The following TENM4 variants were observed in gnomAD, a reference collection of about 807,000 sequenced individuals.
TENM4 encodes the protein teneurin-4.
In TENM4, 82 loss-of-function variants were observed where a neutral mutation model predicts 243.3. That is an observed-to-expected ratio of 0.34 (90% CI 0.28 to 0.40). The LOEUF is 0.40. TENM4 is among the 10% of genes least tolerant of loss of function. The pLI, the probability that TENM4 is intolerant of heterozygous loss-of-function variation, is 1.00. For missense variants in TENM4, 3,138 were observed against 3,673.3 expected (o/e 0.85, Z 3.77); for synonymous variants, 1,412 against 1,456.3 (o/e 0.97, Z 0.69).
intron 2 of TENM4, among the ~76,000 whole-genome samples, chr11:79,263,032 GCTC>G (rs1565274272): frequency 1.3e-5 from 2 of 152,204 alleles, no homozygotes. Flanking sequence ...TTTCCAATGG[GCTC>G]AGTGGCGAGA....
chr11:79,412,773 C>A (rs1590948213), intron 1 of TENM4, among the ~76,000 whole-genome samples: 1 of 152,214 alleles, frequency 6.6e-6, no homozygotes, highest in Non-Finnish European at 1.5e-5. Context: ...GTGCATGCAT[C>A]CATTCATTCA....
chr11:78,878,727 G>A (rs974224268), intron 9 of TENM4, among the ~76,000 whole-genome samples: 2 of 152,210 alleles, frequency 1.3e-5, no homozygotes, highest in African/African-American at 2.4e-5. Flanking sequence ...CCCTTCTGAA[G>A]AGGATCTAGC....
chr11:79,419,394 A>G (rs1858884152), intron 1 of TENM4, among the ~76,000 whole-genome samples: 1 of 152,150 alleles, frequency 6.6e-6, no homozygotes, highest in Admixed American at 6.5e-5. Flanking sequence ...CCCTTCCTCC[A>G]TGTTCCCAAT....
At chr11:79,051,616 G>A (rs183386957) in intron 6 of TENM4, among the ~76,000 whole-genome samples, 8 of 152,304 alleles carry the variant, frequency 5.3e-5, no homozygotes, top group Non-Finnish European at 4.4e-5. Context: ...TTATGCTTTC[G>A]AGGCTTGAAT....
chr11:79,340,845 C>CA (rs563898069), intron 1 of TENM4, among the ~76,000 whole-genome samples: 21 of 150,578 alleles, frequency 1.4e-4, no homozygotes, highest in African/African-American at 2.2e-4. Flanking sequence ...TCCCCACCAA[C>CA]AAAAAAAAAT....
intron 1 of TENM4, among the ~76,000 whole-genome samples, chr11:79,358,157 G>C (rs1220381166): frequency 3.9e-5 from 6 of 152,184 alleles, no homozygotes; most frequent in Non-Finnish European, 8.8e-5. Context: ...AGTCCTGCTA[G>C]ATGAGGAATC....
At chr11:78,936,314 C>A (rs1856782429) in intron 6 of TENM4, among the ~76,000 whole-genome samples, 1 of 152,188 alleles carries the variant, frequency 6.6e-6, no homozygotes, top group Non-Finnish European at 1.5e-5. Context: ...GCAATATCAC[C>A]TACCTCACTG....
At chr11:79,333,829 T>G (rs529942050) in intron 1 of TENM4, among the ~76,000 whole-genome samples, 2 of 152,248 alleles carry the variant, frequency 1.3e-5, no homozygotes, top group Non-Finnish European at 2.9e-5. Flanking sequence ...GTGAAGTGAC[T>G]TGTCTACGAT....
In TENM4 at chr11:79,031,357, G is replaced by A. The variant is rs78827444; in HGVS notation, c.493+33381C>T. Among the ~76,000 whole-genome samples, 975 of 152,264 alleles carry A rather than the reference G, an allele frequency of 6.4e-3. 12 individuals are homozygous for A. Among genetic ancestry groups the A allele is most frequent in the Middle Eastern group, 0.034 (10 of 294 alleles). ...AGTAATGAGAGATGAAGGCTCATAG[G>A]CAACAGCTGCACCCAACAGATGGTC... On this transcript the variant is annotated intron_variant, in intron 6 of 33. Coordinates refer to ENST00000278550, the MANE Select transcript of TENM4 (RefSeq NM_001098816.3).
At chr11:78,751,399 C>G (rs115815676) in intron 19 of TENM4, among the ~76,000 whole-genome samples, 1 of 152,152 alleles carries the variant, frequency 6.6e-6, no homozygotes. Flanking sequence ...TCCCTGTCCA[C>G]GACCATCTAT....
intron 6 of TENM4, among the ~76,000 whole-genome samples, chr11:78,984,737 C>T (rs1857880938): frequency 6.6e-6 from 1 of 152,160 alleles, no homozygotes; most frequent in South Asian, 2.1e-4. Flanking sequence ...AGTGATTAAG[C>T]ACGGATTCTA....
chr11:79,045,048 A>T (rs376641472), intron 6 of TENM4, among the ~76,000 whole-genome samples: 11 of 152,258 alleles, frequency 7.2e-5, no homozygotes, highest in African/African-American at 2.4e-4. Context: ...GTTCTAGAAC[A>T]TTTTCTTCAC....
intron 28 of TENM4, among the ~76,000 whole-genome samples, chr11:78,700,808 C>G (rs1859083672): frequency 6.6e-6 from 1 of 152,106 alleles, no homozygotes. Context: ...AGAAACCTAC[C>G]CTTTAGATAC....
chr11:79,435,992 G>T (rs1173846314), intron 1 of TENM4, among the ~76,000 whole-genome samples: 1 of 152,132 alleles, frequency 6.6e-6, no homozygotes, highest in East Asian at 1.9e-4. Flanking sequence ...TTCATTTCAC[G>T]CATTTGAAGC....
At chr11:78,738,638 C>T in intron 19 of TENM4, 68 bp from the exon 20 acceptor site, 1 of 1,530,018 alleles carries the variant, frequency 6.5e-7, no homozygotes, top group Non-Finnish European at 8.8e-7. Context: ...TGGCAGGGAA[C>T]CCCGAGAGGC....
intron 1 of TENM4, among the ~76,000 whole-genome samples, chr11:79,360,803 T>C (rs1048002705): frequency 1.3e-5 from 2 of 152,226 alleles, no homozygotes; most frequent in African/African-American, 4.8e-5. Flanking sequence ...GGGGAATTTC[T>C]TAAATTTAAC....
At chr11:79,305,169 G>A (rs1289975594) in intron 1 of TENM4, among the ~76,000 whole-genome samples, 1 of 152,180 alleles carries the variant, frequency 6.6e-6, no homozygotes, top group Non-Finnish European at 1.5e-5. Flanking sequence ...CCTGATCCAT[G>A]GTCAAATCCC....
rs1417396938 is a variant in TENM4 at position 78,655,040 on chromosome 11, C to T, written c.*3018G>A. ...GGTGAGTGTCAAAAGGGCCGGTCCT[C>T]TCAGGATGGGAGTCGATGCTTGGAG... is the stretch of plus-strand genomic sequence containing the variant. On this transcript the variant is annotated 3_prime_UTR_variant, in exon 34 of 34. Coordinates refer to ENST00000278550, the MANE Select transcript of TENM4 (RefSeq NM_001098816.3). 1 of 152,230 alleles carries T rather than the reference C, an allele frequency of 6.6e-6. No individual in the cohort carries two copies. Among genetic ancestry groups the T allele is most frequent in the Non-Finnish European group, 1.5e-5 (1 of 68,146 alleles). 9.4% of individuals were successfully genotyped at this position (152,230 alleles called of 1,614,324 possible).
intron 28 of TENM4, among the ~76,000 whole-genome samples, chr11:78,688,535 G>T (rs2135724201): frequency 6.6e-6 from 1 of 152,246 alleles, no homozygotes; most frequent in African/African-American, 2.4e-5. Flanking sequence ...ATTCAATTGT[G>T]AGGGGGAGAG....
Sources: gnomAD v4.1 joint callset for allele counts (sites outside exome capture counted in the v4.1 genomes callset) on GRCh38, gnomAD v4.1.1 for gene constraint, MANE v1.5 for transcripts, NCBI Gene and HGNC (gene_info 2026-07-23, HGNC 2026-07-21) for gene names.